GRIK2: variants seen among roughly 807,000 people sequenced by gnomAD.
GRIK2 encodes glutamate ionotropic receptor kainate type subunit 2.
GRIK2 carries 32 observed loss-of-function variants against 100.3 expected under a neutral mutation model. That is an observed-to-expected ratio of 0.32 (90% CI 0.24 to 0.43). GRIK2 has a LOEUF of 0.43. Ranked by LOEUF, GRIK2 falls within the 20% of genes least tolerant of loss-of-function variation. The probability of loss-of-function intolerance (pLI) is 1.00; values close to 1 mark genes in which losing one functional copy is unlikely to be tolerated. For synonymous variants in GRIK2, 417 were observed against 389.4 expected (o/e 1.07, Z -0.83); for missense variants, 843 against 1,114.9 (o/e 0.76, Z 3.47).
At chr6:101,754,960 T>C (rs953282740) in intron 7 of GRIK2, among the ~76,000 whole-genome samples, 1 of 152,094 alleles carries the variant, frequency 6.6e-6, no homozygotes, top group Non-Finnish European at 1.5e-5. Flanking sequence ...TGGGAGAATA[T>C]GAACTTGATC....
At chr6:101,422,953 T>C (rs1159675610) in intron 2 of GRIK2, among the ~76,000 whole-genome samples, 1 of 152,304 alleles carries the variant, frequency 6.6e-6, no homozygotes, top group East Asian at 1.9e-4. Flanking sequence ...TGAACTTTCA[T>C]GTTGTCATAA....
intron 2 of GRIK2, among the ~76,000 whole-genome samples, chr6:101,477,535 T>C (rs1205018998): frequency 6.6e-6 from 1 of 151,980 alleles, no homozygotes. Flanking sequence ...GCAAGTTGGC[T>C]ACTTTTCAGT....
rs57491735 is a variant in GRIK2 at position 101,988,090 on chromosome 6, AGTGTGTGTGTGTGTGT to A, written c.2086-47223_2086-47208del. Among the ~76,000 whole-genome samples the A allele has an allele frequency of 1.8e-3, 255 of 141,500 alleles. 4 individuals carry two copies. The highest frequency in any genetic ancestry group is 6.3e-3 in the African/African-American group (238 of 38,010). 92.8% of individuals were successfully genotyped at this position (141,500 alleles called of 152,430 possible). ...AGCTCAGGGCTTATGCCAGTATTAT[AGTGTGTGTGTGTGTGT>A]GTGTGTGTGTGTGTGTGTGTGTGTG... On this transcript the variant is annotated intron_variant, in intron 14 of 16. Transcript: ENST00000369134.
At chr6:101,408,724 T>A (rs73761316) in intron 2 of GRIK2, among the ~76,000 whole-genome samples, 2,891 of 152,162 alleles carry the variant, frequency 0.019, 96 homozygotes, top group African/African-American at 0.067. Flanking sequence ...AGGGCAATCT[T>A]CTTTGCTCCA....
chr6:101,409,108 ATGTGTG>A (rs67806970), intron 2 of GRIK2, among the ~76,000 whole-genome samples: 21,285 of 138,348 alleles, frequency 0.15, 1,524 homozygotes, highest in South Asian at 0.22. Context: ...AACATTGTGT[ATGTGTG>A]TGTGTGTGTG....
At chr6:101,448,528 A>G (rs1162382120) in intron 2 of GRIK2, among the ~76,000 whole-genome samples, 1 of 151,584 alleles carries the variant, frequency 6.6e-6, no homozygotes, top group African/African-American at 2.4e-5. Context: ...CTTTATTTAT[A>G]TAATCATATG....
intron 7 of GRIK2, among the ~76,000 whole-genome samples, chr6:101,794,077 G>T (rs986145345): frequency 1.3e-5 from 2 of 152,096 alleles, no homozygotes; most frequent in Admixed American, 6.5e-5. Context: ...CGCAGTATTC[G>T]GGTGGGAGTG....
chr6:101,623,960 A>G (rs1254629853), intron 3 of GRIK2, among the ~76,000 whole-genome samples: 1 of 152,120 alleles, frequency 6.6e-6, no homozygotes, highest in Admixed American at 6.6e-5. Flanking sequence ...TATATTGATA[A>G]TATTGTTAAT....
intron 15 of GRIK2, among the ~76,000 whole-genome samples, chr6:102,037,600 C>G (rs1028966562): frequency 6.8e-6 from 1 of 147,892 alleles, no homozygotes; most frequent in Non-Finnish European, 1.5e-5. Flanking sequence ...ATATTATGTA[C>G]AAATTCAAAA....
At chr6:101,753,150 C>T (rs960277611) in intron 7 of GRIK2, among the ~76,000 whole-genome samples, 1 of 151,792 alleles carries the variant, frequency 6.6e-6, no homozygotes, top group Non-Finnish European at 1.5e-5. Context: ...GGCGTGGTGG[C>T]GGGCGCCTGT....
intron 14 of GRIK2, 132 bp from the exon 15 acceptor site, chr6:102,035,209 A>ATATATG: frequency 3.2e-6 from 1 of 312,804 alleles, no homozygotes; most frequent in Non-Finnish European, 5.9e-6. Context: ...ATATATATAT[A>ATATATG]TATATTCCTT....
intron 2 of GRIK2, among the ~76,000 whole-genome samples, chr6:101,616,768 C>T (rs1024767832): frequency 1.8e-4 from 27 of 151,698 alleles, no homozygotes; most frequent in East Asian, 3.9e-4. Context: ...TTCAGCTGTG[C>T]TCTTTCTTAC....
intron 14 of GRIK2, among the ~76,000 whole-genome samples, chr6:101,975,674 G>A (rs780762207): frequency 4.0e-5 from 6 of 151,276 alleles, no homozygotes; most frequent in Non-Finnish European, 7.4e-5. Context: ...GCCTAAGAGT[G>A]GAAAAAGACC....
At chr6:101,660,496 T>C (rs1769533491) in intron 4 of GRIK2, among the ~76,000 whole-genome samples, 1 of 152,174 alleles carries the variant, frequency 6.6e-6, no homozygotes, top group African/African-American at 2.4e-5. Context: ...ACTCATTCTC[T>C]TCCAGTTTTA....
At chr6:101,891,258 C>G (rs747568823) in intron 12 of GRIK2, among the ~76,000 whole-genome samples, 1 of 151,804 alleles carries the variant, frequency 6.6e-6, no homozygotes, top group South Asian at 2.1e-4. Context: ...GTTGCTCACG[C>G]CTGTAATCCC....
intron 4 of GRIK2, among the ~76,000 whole-genome samples, chr6:101,653,288 C>T (rs916133095): frequency 6.6e-6 from 1 of 152,010 alleles, no homozygotes; most frequent in Non-Finnish European, 1.5e-5. Context: ...TCCCTGGCAA[C>T]ACACACTCTA....
At chr6:101,800,970 A>G (rs1780635355) in intron 8 of GRIK2, among the ~76,000 whole-genome samples, 1 of 152,094 alleles carries the variant, frequency 6.6e-6, no homozygotes, top group Non-Finnish European at 1.5e-5. Flanking sequence ...GAGGACCAAC[A>G]GGAGAAATTT....
intron 2 of GRIK2, among the ~76,000 whole-genome samples, chr6:101,458,538 T>G (rs1771128787): frequency 6.6e-6 from 1 of 152,210 alleles, no homozygotes; most frequent in Non-Finnish European, 1.5e-5. Flanking sequence ...TGAGAGGCTT[T>G]GATGTAACTG....
chr6:101,437,771 G>T (rs1186566164), intron 2 of GRIK2, among the ~76,000 whole-genome samples: 12 of 152,038 alleles, frequency 7.9e-5, no homozygotes, highest in Admixed American at 7.9e-4. Context: ...AAAATAGGGA[G>T]AGATACAGGG....
Sources: allele counts gnomAD v4.1 joint callset (sites outside exome capture counted in the v4.1 genomes callset), GRCh38; gene constraint gnomAD v4.1.1; transcripts MANE v1.5; gene names NCBI Gene and HGNC (gene_info 2026-07-23, HGNC 2026-07-21).